ANKAR: variants seen among roughly 807,000 people sequenced by gnomAD.
ANKAR encodes ankyrin and armadillo repeat-containing protein.
In ANKAR, 136 loss-of-function variants were observed where a neutral mutation model predicts 146.2. The observed-to-expected ratio is 0.93, with a 90% CI of 0.81 to 1.07. The LOEUF is 1.07. Among genes scored for constraint, ANKAR ranks in the 50% least tolerant of loss-of-function variants. ANKAR has a pLI of 0.00. For synonymous variants in ANKAR, 500 were observed against 575.8 expected, an observed-to-expected ratio of 0.87 and a Z score of 1.88; for missense variants, 1,567 against 1,679.9, an observed-to-expected ratio of 0.93 and a Z score of 1.18.
intron 3 of ANKAR, 43 bp downstream of exon 3, chr2:189,690,007 A>ATT: frequency 7.5e-7 from 1 of 1,332,070 alleles, no homozygotes; most frequent in Non-Finnish European, 9.9e-7. Flanking sequence ...ATAGGTATAT[A>ATT]TTAAATATAT....
intron 19 of ANKAR, among the ~76,000 whole-genome samples, chr2:189,741,045 C>A (rs1311892816): frequency 1.3e-5 from 2 of 151,994 alleles, no homozygotes; most frequent in Non-Finnish European, 2.9e-5. Flanking sequence ...TTTTTAAAAC[C>A]CTAAAAACTT....
chr2:189,730,916 A>G (rs970057134), intron 16 of ANKAR, among the ~76,000 whole-genome samples: 1 of 152,140 alleles, frequency 6.6e-6, no homozygotes, highest in Non-Finnish European at 1.5e-5. Context: ...TTTATTCACA[A>G]AAGTTCTTTT....
At chr2:189,679,572 C>T (rs565771329) in intron 2 of ANKAR, among the ~76,000 whole-genome samples, 8 of 152,214 alleles carry the variant, frequency 5.3e-5, no homozygotes, top group African/African-American at 1.9e-4. Flanking sequence ...CAGTGTTTTC[C>T]TGTTCAGTAT....
downstream of ANKAR, chr2:189,763,051 T>G (rs899218840): frequency 3.0e-6 from 3 of 985,166 alleles, no homozygotes; most frequent in African/African-American, 5.2e-5. Flanking sequence ...AAAGAAATTT[T>G]TTTTTTGCCC....
chr2:189,742,408 A>G (rs563954147), intron 20 of ANKAR, among the ~76,000 whole-genome samples: 62 of 152,260 alleles, frequency 4.1e-4, no homozygotes, highest in Non-Finnish European at 8.1e-4. Flanking sequence ...AATTAATCAT[A>G]TGACCAATCT....
chr2:189,695,242 C>A, intron 6 of ANKAR, 81 bp downstream of exon 6: 1 of 1,181,932 alleles, frequency 8.5e-7, no homozygotes, highest in Non-Finnish European at 1.1e-6. Flanking sequence ...GATGTTTATC[C>A]TAGGGATAAT....
intron 7 of ANKAR, among the ~76,000 whole-genome samples, chr2:189,704,544 C>CATATATATAT (rs10578902): frequency 2.5e-4 from 9 of 36,456 alleles, no homozygotes; most frequent in Non-Finnish European, 3.4e-4. Context: ...CCTTTGTTAA[C>CATATATATAT]ATATATATAT....
chr2:189,755,892 T>C (rs538730876), intron 18 of ANKAR, among the ~76,000 whole-genome samples: 2 of 152,312 alleles, frequency 1.3e-5, no homozygotes, highest in African/African-American at 4.8e-5. Context: ...TTAAGGAAAA[T>C]TAATTTCCTT....
rs1424731760 is a variant in ANKAR, at chr2:189,696,152, T to A, written c.1491T>A (p.Ser497Arg). 9.3e-6 allele frequency: 15 copies of A among 1,613,532 alleles called. No homozygotes were observed. The highest frequency in any genetic ancestry group is 1.2e-5 in the Non-Finnish European group (14 of 1,179,852). Reference protein sequence around the residue: ...LGFKRAMKCKSIPFGMKSAVE... With the variant: ...LGFKRAMKCKRIPFGMKSAVE... ...GATTCTGGCCTTCTTAATTTTAGAG[T>A]ATTCCATTTGGTATGAAGTCCGCTG... The change falls in exon 7 of 23, where the codon AGT (serine) becomes AGA (arginine). Residue 497 changes from serine (S) to arginine (R), a missense_variant and splice_region_variant. Ser to Arg is a moderately radical substitution (Grantham distance 110, BLOSUM62 -1). Coordinates refer to ENST00000684021, the MANE Select transcript of ANKAR (RefSeq NM_001378068.1).
At chr2:189,680,616 C>T (rs1253001794) in intron 2 of ANKAR, among the ~76,000 whole-genome samples, 1 of 151,712 alleles carries the variant, frequency 6.6e-6, no homozygotes, top group Non-Finnish European at 1.5e-5. Flanking sequence ...TGCTGTAATC[C>T]CAGAGGTTTT....
chr2:189,690,983 C>T (rs1468774528), intron 3 of ANKAR, among the ~76,000 whole-genome samples: 1 of 152,064 alleles, frequency 6.6e-6, no homozygotes, highest in Non-Finnish European at 1.5e-5. Flanking sequence ...TACATTATGT[C>T]CCTTATGTTG....
At chr2:189,730,396 C>T in intron 15 of ANKAR, 99 bp from the exon 16 acceptor site, 1 of 590,686 alleles carries the variant, frequency 1.7e-6, no homozygotes, top group Non-Finnish European at 2.9e-6. Flanking sequence ...AACTGTATTA[C>T]CTTAGAATGC....
chr2:189,719,639 G>A lies in ANKAR; in HGVS notation c.2292G>A (p.Gly764=), dbSNP rs750928765. 5 of 1,613,978 alleles carry A rather than the reference G, an allele frequency of 3.1e-6. No individual in the cohort carries two copies. The highest frequency in any genetic ancestry group is 4.2e-6 in the Non-Finnish European group (5 of 1,179,976). The change falls in exon 11 of 23, where the codon GGG becomes GGA. Residue 764 remains glycine, a synonymous_variant. Transcript: ENST00000684021. The part of the protein sequence containing the change: ...SKIKLQCKTV[G]LLSNISTHKS... Reference sequence around the variant, plus strand: ...TAAAACTGCAGTGCAAAACTGTTGGGTTATTGAGTAATATCTCAACCCACA... The same window carrying A: ...TAAAACTGCAGTGCAAAACTGTTGGATTATTGAGTAATATCTCAACCCACA...
In ANKAR at chr2:189,755,020, T is replaced by C. The variant is rs2045891829; in HGVS notation, c.*585-6078T>C. ...TAAGAATTATAAAATTGTGTACTAC[T>C]CTTTCTATTTTTTCTCACCATATGT... is the stretch of plus-strand genomic sequence containing the variant. On this transcript the variant is annotated intron_variant and NMD_transcript_variant, in intron 18 of 18. Transcript: ENST00000441800. 5 of 820,976 alleles carry C rather than the reference T, an allele frequency of 6.1e-6. No individual in the cohort carries two copies. In the Admixed American group the frequency reaches 1.6e-4, roughly 27 times the overall value. 50.9% of individuals were successfully genotyped at this position (820,976 alleles called of 1,614,324 possible).
In ANKAR at chr2:189,705,101, A is replaced by T; in HGVS notation, c.1787A>T (p.Tyr596Phe). 1 of 1,614,114 alleles carries T rather than the reference A, an allele frequency of 6.2e-7. No individual in the cohort carries two copies. Among genetic ancestry groups the T allele is most frequent in the Middle Eastern group, 1.6e-4 (1 of 6,062 alleles). Residue 596 changes from tyrosine to phenylalanine, a missense_variant, in exon 8 of 23, where the codon TAC (tyrosine) becomes TTC (phenylalanine). Physicochemically the swap from Tyr to Phe is conservative, Grantham distance 22. Transcript: ENST00000684021. ...TGTCTACTGTGTTCCAAAGCTGATT[A>T]CACGCTTTCTGAAAAAAGAGGCTGG... is the stretch of plus-strand genomic sequence containing the variant. The part of the protein sequence containing the change: ...TVCLLCSKAD[Y>F]TLSEKRGWMP...
intron 17 of ANKAR, among the ~76,000 whole-genome samples, chr2:189,734,148 T>G (rs1220527825): frequency 6.6e-6 from 1 of 152,352 alleles, no homozygotes; most frequent in African/African-American, 2.4e-5. Context: ...TGATGTATTT[T>G]ACTGGTAATC....
chr2:189,696,287 G>A lies in ANKAR; in HGVS notation c.1626G>A (p.Leu542=). The change falls in exon 7 of 23, where the codon CTG becomes CTA. Residue 542 remains leucine, a synonymous_variant. Transcript: ENST00000684021. ...ATACTATTTTTCATCATGCTGCCCT[G>A]CACAACAGAGTTTCTATTATATGTC... ...AGYTIFHHAA[L]HNRVSIICQL... 3 of 1,614,050 alleles carry A rather than the reference G, an allele frequency of 1.9e-6. No individual in the cohort carries two copies. Among genetic ancestry groups the A allele is most frequent in the Non-Finnish European group, 2.5e-6 (3 of 1,180,010 alleles).
rs752651499 is a variant in ANKAR, at chr2:189,737,735, G to A, written c.3476G>A (p.Arg1159His). The change falls in exon 18 of 23, where the codon CGC becomes CAC. Residue 1159 changes from arginine to histidine, a missense_variant. Transcript: ENST00000684021. The stretch of plus-strand genomic sequence containing the variant: ...TTAACACTTTTTGCCTTCAATAATC[G>A]CTTTCAACAATACTTAATATTGGAA... ...YALTLFAFNN[R>H]FQQYLILESG... 1.4e-5 allele frequency: 23 copies of A among 1,598,484 alleles called. No homozygotes were observed. In the South Asian group the frequency reaches 2.3e-4, roughly 16 times the overall value.
chr2:189,735,024 AAT>A (rs758240297), intron 17 of ANKAR, among the ~76,000 whole-genome samples: 2 of 149,966 alleles, frequency 1.3e-5, no homozygotes, highest in Non-Finnish European at 1.5e-5. Context: ...ATATATATAA[AAT>A]ATATATATAT....
Sources: gnomAD v4.1 joint callset for allele counts (sites outside exome capture counted in the v4.1 genomes callset) on GRCh38, gnomAD v4.1.1 for gene constraint, MANE v1.5 for transcripts, NCBI Gene and HGNC (gene_info 2026-07-23, HGNC 2026-07-21) for gene names.